ADGB: variants seen among roughly 807,000 people sequenced by gnomAD.
ADGB encodes the protein androglobin, also known as calpain-7-like protein.
ADGB carries 172 observed loss-of-function variants against 210.5 expected under a neutral mutation model. The observed-to-expected ratio is 0.82, with a 90% CI of 0.72 to 0.93. The LOEUF is 0.93. Among genes scored for constraint, ADGB ranks in the 40% least tolerant of loss-of-function variants. The pLI is 0.00. For missense variants in ADGB, 2,025 were observed against 1,964.8 expected (o/e 1.03, Z -0.58); for synonymous variants, 658 against 662.7 (o/e 0.99, Z 0.11).
chr6:146,796,664 T>C (rs1009974416), intron 33 of ADGB, among the ~76,000 whole-genome samples: 2 of 152,048 alleles, frequency 1.3e-5, no homozygotes, highest in Admixed American at 6.6e-5. Context: ...AAGCCACACG[T>C]AGAAGAATGA....
At chr6:146,684,634 A>G (rs1241969087) in intron 9 of ADGB, among the ~76,000 whole-genome samples, 1 of 152,266 alleles carries the variant, frequency 6.6e-6, no homozygotes, top group African/African-American at 2.4e-5. Flanking sequence ...TTAAAAACAT[A>G]TTATTTCATA....
At chr6:146,603,506 A>G (rs777047513) in intron 1 of ADGB, among the ~76,000 whole-genome samples, 161 of 152,322 alleles carry the variant, frequency 1.1e-3, no homozygotes, top group Non-Finnish European at 2.1e-3. Context: ...TTATACTTAT[A>G]AAATTTTTTT....
intron 13 of ADGB, among the ~76,000 whole-genome samples, chr6:146,707,216 A>G (rs531229531): frequency 9.9e-5 from 15 of 152,194 alleles, no homozygotes; most frequent in Non-Finnish European, 1.9e-4. Context: ...TATGATTTCA[A>G]TCTTCTTTAA....
chr6:146,756,340 G>C (rs73583024), intron 27 of ADGB, among the ~76,000 whole-genome samples: 9,886 of 152,160 alleles, frequency 0.065, 1,072 homozygotes, highest in African/African-American at 0.22. Context: ...CTACTTCTGA[G>C]TATTGTTTCC....
chr6:146,702,113 T>A (rs1776500101), intron 13 of ADGB, among the ~76,000 whole-genome samples: 2 of 151,866 alleles, frequency 1.3e-5, no homozygotes, highest in Admixed American at 6.6e-5. Context: ...TTTGTGAAAT[T>A]TAACTATGAG....
intron 1 of ADGB, among the ~76,000 whole-genome samples, chr6:146,623,798 G>A (rs1284926143): frequency 6.6e-6 from 1 of 151,712 alleles, no homozygotes; most frequent in East Asian, 1.9e-4. Context: ...TTGACTGCTG[G>A]AATTTTTTCA....
chr6:146,774,824 T>A (rs1353006827), intron 29 of ADGB, among the ~76,000 whole-genome samples: 9 of 152,164 alleles, frequency 5.9e-5, no homozygotes. Context: ...CTTTAATTTA[T>A]CCACTTAGCT....
intron 1 of ADGB, among the ~76,000 whole-genome samples, chr6:146,625,716 G>A (rs779157367): frequency 2.0e-5 from 3 of 152,158 alleles, no homozygotes; most frequent in Non-Finnish European, 4.4e-5. Flanking sequence ...GCTTCCAGAA[G>A]CCAAACAGAT....
chr6:146,728,009 C>CT (rs1458078542), intron 19 of ADGB, among the ~76,000 whole-genome samples: 2 of 152,132 alleles, frequency 1.3e-5, no homozygotes, highest in African/African-American at 2.4e-5. Flanking sequence ...TCCAATTTTA[C>CT]TTTTTTCATG....
intron 3 of ADGB, among the ~76,000 whole-genome samples, chr6:146,652,045 A>G (rs1210722644): frequency 6.6e-6 from 1 of 152,186 alleles, no homozygotes; most frequent in African/African-American, 2.4e-5. Context: ...TGAGTGGCCC[A>G]GACCCTTGAG....
chr6:146,620,597 T>G (rs1386441021), intron 1 of ADGB, among the ~76,000 whole-genome samples: 1 of 152,058 alleles, frequency 6.6e-6, no homozygotes. Flanking sequence ...TTTTTTCAGG[T>G]CAGTTATTTT....
chr6:146,622,258 G>C (rs369614116), intron 1 of ADGB, among the ~76,000 whole-genome samples: 4 of 152,202 alleles, frequency 2.6e-5, no homozygotes, highest in East Asian at 1.9e-4. Context: ...CAATTCTGTA[G>C]CAAAGACGTT....
intron 9 of ADGB, among the ~76,000 whole-genome samples, chr6:146,683,958 G>A (rs937055705): frequency 2.6e-5 from 4 of 152,024 alleles, no homozygotes; most frequent in Non-Finnish European, 4.4e-5. Context: ...ACTTTTACAC[G>A]TTATGATTTT....
At chr6:146,652,006 C>A (rs896224909) in intron 3 of ADGB, among the ~76,000 whole-genome samples, 22 of 152,102 alleles carry the variant, frequency 1.4e-4, no homozygotes, top group Non-Finnish European at 2.9e-4. Flanking sequence ...AGTAACTTAC[C>A]AGACCTGTTT....
At chr6:146,734,881 A>G (rs1391719605) in intron 22 of ADGB, among the ~76,000 whole-genome samples, 1 of 152,122 alleles carries the variant, frequency 6.6e-6, no homozygotes, top group Non-Finnish European at 1.5e-5. Flanking sequence ...ACACCACTGC[A>G]CTCTAGCCTG....
At position 146,745,929 on chromosome 6, in the gene ADGB, A is replaced by ATTTT; in HGVS notation, c.3185_3186insTTTT (p.Thr1063PhefsTer55). ...AATTTGTCTTTCTTATAGAAGGGAT[A>ATTTT]CACTTTTGTGGCGGAAGCATTTACA... On this transcript the variant is annotated frameshift_variant, in exon 26 of 36. Transcript: ENST00000397944. LOFTEE classifies it high-confidence loss of function. The ATTTT allele has an allele frequency of 6.5e-7, 1 of 1,544,502 alleles. No individual in the cohort carries two copies. The highest frequency in any genetic ancestry group is 1.4e-5 in the African/African-American group (1 of 72,834).
chr6:146,667,023 A>G, intron 7 of ADGB, 121 bp downstream of exon 7: 3 of 658,024 alleles, frequency 4.6e-6, no homozygotes, highest in Non-Finnish European at 7.6e-6. Flanking sequence ...TTTGGGGGAA[A>G]ATATCGTTTT....
intron 1 of ADGB, among the ~76,000 whole-genome samples, chr6:146,615,449 T>G (rs1438685846): frequency 6.6e-6 from 1 of 152,184 alleles, no homozygotes; most frequent in Non-Finnish European, 1.5e-5. Flanking sequence ...ACACTCCAAA[T>G]TTTCTCTTTC....
At chr6:146,601,551 CA>C (rs1780557186) in intron 1 of ADGB, among the ~76,000 whole-genome samples, 1 of 152,170 alleles carries the variant, frequency 6.6e-6, no homozygotes, top group South Asian at 2.1e-4. Context: ...CAAAGTCTAG[CA>C]AGGCTCTAGT....
Sources: allele counts gnomAD v4.1 joint callset (sites outside exome capture counted in the v4.1 genomes callset), GRCh38; gene constraint gnomAD v4.1.1; transcripts MANE v1.5; gene names NCBI Gene and HGNC (gene_info 2026-07-23, HGNC 2026-07-21).